The following SNX8 variants were observed in gnomAD, a reference collection of about 807,000 sequenced individuals.
The protein encoded by SNX8 is sorting nexin-8.
SNX8 carries 25 observed loss-of-function variants against 51.6 expected under a neutral mutation model. That is an observed-to-expected ratio of 0.48 (90% confidence interval 0.35 to 0.68). The LOEUF is 0.68. SNX8 is among the 30% of genes least tolerant of loss of function. The pLI, the probability that SNX8 is intolerant of heterozygous loss-of-function variation, is 0.00. For synonymous variants in SNX8, 324 were observed against 277.0 expected (o/e 1.17, Z -1.68); for missense variants, 695 against 624.0 (o/e 1.11, Z -1.21).
chr7:2,262,554 A>C (rs549961359), intron 7 of SNX8, among the ~76,000 whole-genome samples: 108 of 152,138 alleles, frequency 7.1e-4, no homozygotes, highest in Middle Eastern at 6.8e-3. Flanking sequence ...CTGATGAGTT[A>C]AGTCTCCAGT....
chr7:2,343,461 A>C (rs180709011), intron 1 of SNX8, among the ~76,000 whole-genome samples: 6 of 151,830 alleles, frequency 4.0e-5, no homozygotes, highest in Non-Finnish European at 8.8e-5. Flanking sequence ...GGATCACGAG[A>C]TCAGGAGATC....
intron 1 of SNX8, among the ~76,000 whole-genome samples, chr7:2,283,959 C>A (rs971630567): frequency 2.6e-5 from 4 of 152,162 alleles, no homozygotes; most frequent in Admixed American, 2.0e-4. Flanking sequence ...CCATACCTGG[C>A]TAATTTTGCA....
At chr7:2,329,373 G>C (rs866567723) in intron 1 of SNX8, among the ~76,000 whole-genome samples, 2 of 152,128 alleles carry the variant, frequency 1.3e-5, no homozygotes, top group East Asian at 3.9e-4. Context: ...GATATACAGC[G>C]TCTTATCACC....
At chr7:2,309,324 T>C (rs1335650812) in intron 1 of SNX8, among the ~76,000 whole-genome samples, 4 of 152,108 alleles carry the variant, frequency 2.6e-5, no homozygotes, top group Admixed American at 2.6e-4. Context: ...GAGTTTGAGA[T>C]CATCCTTCCT....
chr7:2,287,747 C>T (rs1163442815), intron 1 of SNX8, among the ~76,000 whole-genome samples: 6 of 151,054 alleles, frequency 4.0e-5, no homozygotes, highest in East Asian at 2.0e-4. Flanking sequence ...AGTGAGACTC[C>T]GTCTCAAACA....
intron 1 of SNX8, among the ~76,000 whole-genome samples, chr7:2,286,810 C>A (rs1796039655): frequency 6.6e-6 from 1 of 151,950 alleles, no homozygotes; most frequent in Non-Finnish European, 1.5e-5. Flanking sequence ...GCCACCGCAA[C>A]CAGCCTAAAT....
At chr7:2,274,944 G>A in intron 3 of SNX8, 168 bp downstream of exon 3, 1 of 586,506 alleles carries the variant, frequency 1.7e-6, no homozygotes, top group Non-Finnish European at 3.0e-6. Flanking sequence ...CTGCACCAAG[G>A]CTGGGCTCAA....
chr7:2,273,310 C>A (rs1487205604), intron 3 of SNX8, among the ~76,000 whole-genome samples: 2 of 150,966 alleles, frequency 1.3e-5, no homozygotes, highest in Non-Finnish European at 3.0e-5. Context: ...AGAGGCCAGG[C>A]GCAGTGGCTC....
rs1015059220 is a variant in SNX8 at position 2,254,234 on chromosome 7, G to GC, written c.*821dup. 10 of 152,640 alleles carry GC rather than the reference G, an allele frequency of 6.6e-5. No homozygotes were observed. The highest frequency in any genetic ancestry group is 1.7e-4 in the African/African-American group (7 of 41,402). 9.5% of individuals were successfully genotyped at this position (152,640 alleles called of 1,614,324 possible). ...TAAAGCCTCAGCTGGAATGGAACAC[G>GC]CCCCCCCACGCCCCCACCTGTCCTC... On this transcript the variant is annotated 3_prime_UTR_variant, in exon 11 of 11. Transcript: ENST00000222990.
At chr7:2,328,687 C>T (rs1338091877) in intron 1 of SNX8, among the ~76,000 whole-genome samples, 1 of 152,126 alleles carries the variant, frequency 6.6e-6, no homozygotes, top group African/African-American at 2.4e-5. Context: ...CACGGTGGCT[C>T]ACGCCTGTAA....
chr7:2,312,246 C>T (rs528398749), intron 1 of SNX8, among the ~76,000 whole-genome samples: 25 of 152,312 alleles, frequency 1.6e-4, no homozygotes, highest in African/African-American at 4.8e-4. Context: ...AGCGCTCAGA[C>T]TATCTCTAAA....
chr7:2,334,869 G>GAAAAA lies in SNX8; in HGVS notation c.-66+19348_-66+19352dup, dbSNP rs71023399. On this transcript the variant is annotated intron_variant, in intron 1 of 5. Coordinates refer to the SNX8 transcript ENST00000435336. ...GGCAACAGAGTAAGAGCCCATCTCT[G>GAAAAA]AAAAAAAAAAAAAAAAAAAAAAAAA... is the stretch of plus-strand genomic sequence containing the variant. 2.5e-5 allele frequency among the ~76,000 whole-genome samples: 2 copies of GAAAAA among 80,110 alleles called. 1 individual carries two copies. Among genetic ancestry groups the GAAAAA allele is most frequent in the Non-Finnish European group, 4.6e-5 (2 of 43,872 alleles). 52.6% of individuals were successfully genotyped at this position (80,110 alleles called of 152,430 possible).
intron 5 of SNX8, among the ~76,000 whole-genome samples, chr7:2,267,698 A>G (rs1795504963): frequency 1.3e-5 from 2 of 149,264 alleles, no homozygotes; most frequent in Non-Finnish European, 3.0e-5. Context: ...TTGGCCTCCC[A>G]AAGTGCCGAG....
At chr7:2,311,866 G>A (rs1480283077) in intron 1 of SNX8, among the ~76,000 whole-genome samples, 12 of 151,382 alleles carry the variant, frequency 7.9e-5, no homozygotes, top group African/African-American at 2.7e-4. Context: ...GAACCCGGGA[G>A]GCAGAGCTTG....
chr7:2,311,720 G>A (rs551015758), intron 1 of SNX8, among the ~76,000 whole-genome samples: 8 of 152,034 alleles, frequency 5.3e-5, no homozygotes, highest in Admixed American at 1.3e-4. Context: ...GCTAGATCAC[G>A]AGGTCAGGAG....
intron 1 of SNX8, among the ~76,000 whole-genome samples, chr7:2,335,475 C>A (rs1562461761): frequency 6.6e-6 from 1 of 151,140 alleles, no homozygotes; most frequent in Non-Finnish European, 1.5e-5. Flanking sequence ...ATAGCCAGAG[C>A]CCATCTCAAT....
rs1796719514 is a variant in SNX8, at chr7:2,314,389, C to T, written c.33G>A (p.Ala11=). The T allele has an allele frequency of 1.6e-6, 2 of 1,221,358 alleles. No homozygotes were observed. Among genetic ancestry groups the T allele is most frequent in the East Asian group, 3.3e-5 (1 of 30,750 alleles). 75.7% of individuals were successfully genotyped at this position (1,221,358 alleles called of 1,614,324 possible). A position where few individuals can be genotyped will look rare whatever the true frequency, so the allele number is the denominator to read the frequency against. The change falls in exon 1 of 11, where the codon GCG becomes GCA. Residue 11 remains alanine, a synonymous_variant. Coordinates refer to ENST00000222990, the MANE Select transcript of SNX8 (RefSeq NM_013321.4). MTGRAMDPLP[A]AAVGAAAEAE... ...CCTCAGCTGCCGCCCCGACTGCAGC[C>T]GCGGGCAGCGGGTCCATCGCGCGGC...
intron 1 of SNX8, among the ~76,000 whole-genome samples, chr7:2,330,990 G>C (rs954250606): frequency 2.6e-5 from 4 of 151,626 alleles, no homozygotes; most frequent in Admixed American, 1.3e-4. Context: ...TTCAAGACCA[G>C]CCTGGCCAAC....
At chr7:2,257,624 G>C (rs779324918) in intron 8 of SNX8, 110 bp from the exon 9 acceptor site, 2 of 1,560,260 alleles carry the variant, frequency 1.3e-6, no homozygotes, top group Non-Finnish European at 1.8e-6. Flanking sequence ...GTCTTCCCCT[G>C]CAGCCCTGGC....
Sources: gnomAD v4.1 joint callset for allele counts (sites outside exome capture counted in the v4.1 genomes callset) on GRCh38, gnomAD v4.1.1 for gene constraint, MANE v1.5 for transcripts, NCBI Gene and HGNC (gene_info 2026-07-23, HGNC 2026-07-21) for gene names.